CDK14: variants seen among roughly 807,000 people sequenced by gnomAD.
CDK14 encodes the protein cyclin dependent kinase 14, also known as cyclin-dependent kinase 14.
A neutral mutation model predicts 60.7 loss-of-function variants in CDK14; 34 were observed. That is an observed-to-expected ratio of 0.56 (90% CI 0.43 to 0.75). The LOEUF (loss-of-function observed/expected upper bound fraction) is 0.75, where lower values mean the gene tolerates loss of function less well. Ranked by LOEUF, CDK14 falls within the 30% of genes least tolerant of loss-of-function variation. The pLI is 0.00. For synonymous variants in CDK14, 197 were observed against 203.7 expected (o/e 0.97, Z 0.28); for missense variants, 482 against 564.1 (o/e 0.85, Z 1.47).
At chr7:90,883,321 C>G (rs550426423) in intron 6 of CDK14, among the ~76,000 whole-genome samples, 3 of 152,182 alleles carry the variant, frequency 2.0e-5, no homozygotes, top group African/African-American at 7.2e-5. Flanking sequence ...ATAAACACCT[C>G]TACGCAAATA....
At chr7:90,885,891 A>G (rs1791929444) in intron 6 of CDK14, among the ~76,000 whole-genome samples, 1 of 152,150 alleles carries the variant, frequency 6.6e-6, no homozygotes, top group African/African-American at 2.4e-5. Flanking sequence ...GAAGAACAAA[A>G]CACACCAGGG....
chr7:91,085,691 G>C (rs77716326), intron 12 of CDK14, among the ~76,000 whole-genome samples: 8,863 of 152,230 alleles, frequency 0.058, 364 homozygotes, highest in Middle Eastern at 0.13. Context: ...TCCTAGCCAG[G>C]TCAGACACCG....
At chr7:91,118,303 T>G (rs1762061457) in intron 14 of CDK14, 95 bp downstream of exon 14, 2 of 610,684 alleles carry the variant, frequency 3.3e-6, no homozygotes, top group African/African-American at 3.7e-5. Context: ...TCACCAACTA[T>G]CCTATGAGTC....
chr7:90,799,507 G>A (rs1788554156), intron 5 of CDK14, among the ~76,000 whole-genome samples: 1 of 151,820 alleles, frequency 6.6e-6, no homozygotes, highest in African/African-American at 2.4e-5. Context: ...GTTCAACGTG[G>A]CAAAACCCCG....
chr7:90,665,162 G>C (rs1321867551), intron 2 of CDK14, among the ~76,000 whole-genome samples: 1 of 151,878 alleles, frequency 6.6e-6, no homozygotes, highest in African/African-American at 2.4e-5. Context: ...GCGGGCGCCT[G>C]TAGTCCCAGC....
intron 14 of CDK14, among the ~76,000 whole-genome samples, chr7:91,140,134 G>A (rs1419942507): frequency 2.0e-5 from 3 of 152,120 alleles, no homozygotes; most frequent in African/African-American, 7.2e-5. Flanking sequence ...AAGGATTTGG[G>A]CAGCCTCCTC....
intron 9 of CDK14, among the ~76,000 whole-genome samples, chr7:90,980,287 C>G (rs1448112086): frequency 6.6e-6 from 1 of 152,212 alleles, no homozygotes; most frequent in African/African-American, 2.4e-5. Flanking sequence ...GTGACCAGTT[C>G]TTATTCTTGA....
At chr7:91,071,529 C>T (rs956690874) in intron 11 of CDK14, among the ~76,000 whole-genome samples, 7 of 152,240 alleles carry the variant, frequency 4.6e-5, no homozygotes, top group African/African-American at 1.7e-4. Flanking sequence ...CTGTGCAACC[C>T]ACGGATCGGA....
intron 14 of CDK14, among the ~76,000 whole-genome samples, chr7:91,177,915 C>A (rs1403395477): frequency 6.9e-6 from 1 of 145,482 alleles, no homozygotes. Context: ...AATGCCATCC[C>A]CATCAAGCTA....
intron 10 of CDK14, among the ~76,000 whole-genome samples, chr7:91,040,144 C>G (rs1244654123): frequency 6.6e-6 from 1 of 152,190 alleles, no homozygotes; most frequent in African/African-American, 2.4e-5. Context: ...TGAAACCTTT[C>G]TCCTCGCCTT....
chr7:90,630,669 G>A (rs969069049), intron 2 of CDK14, among the ~76,000 whole-genome samples: 16 of 152,230 alleles, frequency 1.1e-4, no homozygotes, highest in African/African-American at 3.6e-4. Context: ...ACTAATACAC[G>A]TTTGTAGGAA....
At chr7:90,681,169 T>G (rs6957299) in intron 2 of CDK14, among the ~76,000 whole-genome samples, 128,363 of 152,090 alleles carry the variant, frequency 0.84, 54,351 homozygotes, top group East Asian at 1. Context: ...AACTACTTGG[T>G]ACACACGTTT....
chr7:90,689,140 A>T (rs566586717), intron 2 of CDK14, among the ~76,000 whole-genome samples: 1 of 152,282 alleles, frequency 6.6e-6, no homozygotes, highest in South Asian at 2.1e-4. Flanking sequence ...GGTATCTTGA[A>T]TTCTGGTGCT....
At chr7:90,612,731 C>T (rs995074160) in intron 2 of CDK14, among the ~76,000 whole-genome samples, 1 of 145,174 alleles carries the variant, frequency 6.9e-6, no homozygotes, top group Non-Finnish European at 1.5e-5. Context: ...GAGATTGTGC[C>T]ACTGCACTCC....
At chr7:90,668,219 G>A (rs527812442) in intron 2 of CDK14, among the ~76,000 whole-genome samples, 2 of 152,292 alleles carry the variant, frequency 1.3e-5, no homozygotes, top group East Asian at 1.9e-4. Context: ...CAGTGGATGT[G>A]AAGTGACATG....
intron 3 of CDK14, among the ~76,000 whole-genome samples, chr7:90,728,913 T>A (rs1335720136): frequency 6.6e-6 from 1 of 152,142 alleles, no homozygotes; most frequent in Non-Finnish European, 1.5e-5. Context: ...TTACTGGGTG[T>A]TTCTCACAAA....
At chr7:90,837,216 G>C (rs1482969470) in intron 5 of CDK14, among the ~76,000 whole-genome samples, 1 of 151,876 alleles carries the variant, frequency 6.6e-6, no homozygotes, top group Non-Finnish European at 1.5e-5. Context: ...AAGAATCTTT[G>C]CTATGGAGAG....
chr7:90,850,600 T>C (rs375894655), intron 5 of CDK14, among the ~76,000 whole-genome samples: 41 of 152,202 alleles, frequency 2.7e-4, no homozygotes, highest in African/African-American at 9.6e-4. Flanking sequence ...CCAGAAGCTG[T>C]GGAAGAGGGA....
intron 10 of CDK14, among the ~76,000 whole-genome samples, chr7:91,038,449 C>T (rs935029521): frequency 1.1e-4 from 16 of 152,134 alleles, no homozygotes; most frequent in African/African-American, 3.9e-4. Flanking sequence ...CAAATTTTCA[C>T]AGAAATAAAT....
Sources: gnomAD v4.1 joint callset for allele counts (sites outside exome capture counted in the v4.1 genomes callset) on GRCh38, gnomAD v4.1.1 for gene constraint, MANE v1.5 for transcripts, NCBI Gene and HGNC (gene_info 2026-07-23, HGNC 2026-07-21) for gene names.